TSHZ3: variants seen among roughly 807,000 people sequenced by gnomAD.
TSHZ3 encodes teashirt homolog 3.
In TSHZ3, 10 loss-of-function variants were observed where a neutral mutation model predicts 64.5. The ratio of observed to expected loss-of-function variants is 0.16; its 90% CI spans 0.10 to 0.26. The LOEUF is 0.26. Among genes scored for constraint, TSHZ3 ranks in the 10% least tolerant of loss-of-function variants. The pLI, the probability that TSHZ3 is intolerant of heterozygous loss-of-function variation, is 1.00. For synonymous variants in TSHZ3, 608 were observed against 593.1 expected (o/e 1.03, Z -0.36); for missense variants, 1,242 against 1,421.7 (o/e 0.87, Z 2.03).
intron 5 of TSHZ3, among the ~76,000 whole-genome samples, chr19:31,163,322 T>G (rs1397942007): frequency 2.0e-5 from 3 of 152,186 alleles, no homozygotes; most frequent in Admixed American, 1.3e-4. Flanking sequence ...AGATGAAATC[T>G]GATTATAAAG....
rs142043868 is a variant in TSHZ3 at position 31,184,727 on chromosome 19, T to C, written n.809+20229A>G. Among the ~76,000 whole-genome samples, 661 of 152,306 alleles carry C rather than the reference T, an allele frequency of 4.3e-3. 5 individuals carry two copies. Among genetic ancestry groups the C allele is most frequent in the African/African-American group, 0.014 (594 of 41,568 alleles). On this transcript the variant is annotated intron_variant and non_coding_transcript_variant, in intron 5 of 6. Coordinates refer to the TSHZ3 transcript ENST00000651361. ...ATTTTCCTGATTAGATTAGAGGTAT[T>C]TGATATTGAAGTCAGAGCTGATGAA...
chr19:31,233,935 CAAA>C (rs35438995), intron 3 of TSHZ3, among the ~76,000 whole-genome samples: 15 of 118,172 alleles, frequency 1.3e-4, no homozygotes, highest in African/African-American at 2.5e-4. Context: ...TAATTCCTAC[CAAA>C]AAAAAAAAAA....
chr19:31,160,033 G>T (rs1974354413), intron 5 of TSHZ3, among the ~76,000 whole-genome samples: 1 of 152,182 alleles, frequency 6.6e-6, no homozygotes, highest in Non-Finnish European at 1.5e-5. Context: ...TCCCCCTGGA[G>T]GAATAAATAA....
At chr19:31,214,957 A>G (rs1975307888) in intron 4 of TSHZ3, among the ~76,000 whole-genome samples, 1 of 151,452 alleles carries the variant, frequency 6.6e-6, no homozygotes, top group Admixed American at 6.6e-5. Flanking sequence ...ACCCTCATCC[A>G]TAGACCATTC....
chr19:31,155,371 C>G (rs1599550653), intron 6 of TSHZ3, among the ~76,000 whole-genome samples: 2 of 152,202 alleles, frequency 1.3e-5, no homozygotes, highest in Admixed American at 6.5e-5. Context: ...ATTTTTGAAA[C>G]AAAGGCATAG....
intron 1 of TSHZ3, among the ~76,000 whole-genome samples, chr19:31,329,451 A>T (rs1917014519): frequency 6.6e-6 from 1 of 152,220 alleles, no homozygotes; most frequent in South Asian, 2.1e-4. Context: ...GGCACGCTCA[A>T]GTTTACTTGC....
chr19:31,206,427 A>G (rs953930856), intron 4 of TSHZ3, among the ~76,000 whole-genome samples: 2 of 152,182 alleles, frequency 1.3e-5, no homozygotes, highest in African/African-American at 4.8e-5. Flanking sequence ...AAGTACCAAC[A>G]TAGGCAAAAG....
chr19:31,246,399 A>G (rs895336672), intron 1 of TSHZ3, among the ~76,000 whole-genome samples: 6 of 152,256 alleles, frequency 3.9e-5, no homozygotes, highest in Non-Finnish European at 7.3e-5. Context: ...ATTTGACAGT[A>G]AAAATTAAAA....
chr19:31,249,446 A>G (rs1190839098), intron 1 of TSHZ3, among the ~76,000 whole-genome samples: 2 of 152,174 alleles, frequency 1.3e-5, no homozygotes, highest in Admixed American at 1.3e-4. Flanking sequence ...TGCCCGGGTC[A>G]ACTGAACAGG....
chr19:31,242,603 G>A (rs941013802), exon 3 of TSHZ3, among the ~76,000 whole-genome samples: 2 of 152,154 alleles, frequency 1.3e-5, no homozygotes, highest in African/African-American at 4.8e-5. Context: ...GAGTTCTGAT[G>A]TCCAAAGGCA....
At chr19:31,249,832 A>T (rs1975812043) in intron 1 of TSHZ3, among the ~76,000 whole-genome samples, 1 of 152,228 alleles carries the variant, frequency 6.6e-6, no homozygotes, top group Non-Finnish European at 1.5e-5. Flanking sequence ...AGCACTGTCC[A>T]GTTCCTCCTG....
At chr19:31,215,422 C>A (rs1255004832) in intron 4 of TSHZ3, among the ~76,000 whole-genome samples, 1 of 152,068 alleles carries the variant, frequency 6.6e-6, no homozygotes, top group Non-Finnish European at 1.5e-5. Flanking sequence ...TAAGTGTATA[C>A]AAGAAATATC....
chr19:31,234,060 C>A (rs966255375), intron 3 of TSHZ3, among the ~76,000 whole-genome samples: 1 of 151,964 alleles, frequency 6.6e-6, no homozygotes, highest in African/African-American at 2.4e-5. Context: ...ACATGTCTTT[C>A]AGTTAATTTA....
intron 1 of TSHZ3, among the ~76,000 whole-genome samples, chr19:31,261,434 A>C (rs1975982540): frequency 6.6e-6 from 1 of 152,218 alleles, no homozygotes; most frequent in South Asian, 2.1e-4. Context: ...GTCTCTCCCA[A>C]GGAAGGAATA....
At chr19:31,291,028 C>T (rs1356114922) in intron 1 of TSHZ3, among the ~76,000 whole-genome samples, 1 of 152,248 alleles carries the variant, frequency 6.6e-6, no homozygotes, top group Admixed American at 6.5e-5. Flanking sequence ...ATGGCATTAG[C>T]TGATTGGTGA....
intron 5 of TSHZ3, among the ~76,000 whole-genome samples, chr19:31,192,647 TG>T (rs1382940641): frequency 6.6e-6 from 1 of 152,202 alleles, no homozygotes; most frequent in East Asian, 1.9e-4. Context: ...AACATTGTTT[TG>T]GGGCCAACTT....
At chr19:31,236,206 A>G (rs1017929823) in intron 3 of TSHZ3, among the ~76,000 whole-genome samples, 3 of 152,156 alleles carry the variant, frequency 2.0e-5, no homozygotes, top group Non-Finnish European at 4.4e-5. Flanking sequence ...TTTTTTGAGG[A>G]AACTCTGCAC....
intron 1 of TSHZ3, among the ~76,000 whole-genome samples, chr19:31,334,693 A>G (rs1306614671): frequency 6.6e-6 from 1 of 152,156 alleles, no homozygotes; most frequent in Non-Finnish European, 1.5e-5. Flanking sequence ...GAACACTCAA[A>G]TATCAAGTTG....
chr19:31,159,032 C>G (rs1244267949), intron 5 of TSHZ3, among the ~76,000 whole-genome samples: 1 of 152,182 alleles, frequency 6.6e-6, no homozygotes, highest in African/African-American at 2.4e-5. Flanking sequence ...CGGACTCTGG[C>G]TTTGTCACCC....
Sources: allele counts gnomAD v4.1 joint callset (sites outside exome capture counted in the v4.1 genomes callset), GRCh38; gene constraint gnomAD v4.1.1; transcripts MANE v1.5; gene names NCBI Gene and HGNC (gene_info 2026-07-23, HGNC 2026-07-21).